ADAMTS12: variants seen among roughly 807,000 people sequenced by gnomAD.
ADAMTS12 encodes the protein A disintegrin and metalloproteinase with thrombospondin motifs 12.
In ADAMTS12, 118 loss-of-function variants were observed where a neutral mutation model predicts 167.8. The ratio of observed to expected loss-of-function variants is 0.70; its 90% CI spans 0.61 to 0.82. ADAMTS12 has a LOEUF of 0.82. Ranked by LOEUF, ADAMTS12 falls within the 40% of genes least tolerant of loss-of-function variation. ADAMTS12 has a pLI of 0.00. For synonymous variants in ADAMTS12, 704 were observed against 716.9 expected (o/e 0.98, Z 0.29); for missense variants, 1,916 against 1,998.8 (o/e 0.96, Z 0.79).
At chr5:33,759,958 T>G (rs781473539) in intron 2 of ADAMTS12, among the ~76,000 whole-genome samples, 1 of 152,156 alleles carries the variant, frequency 6.6e-6, no homozygotes, top group Non-Finnish European at 1.5e-5. Flanking sequence ...CCAGAGGTTC[T>G]CCAATTTTAA....
Position 33,560,782 on chromosome 5 carries a change from AG to A in ADAMTS12, c.4125+244del, listed in dbSNP as rs566282585. Among the ~76,000 whole-genome samples, 15 of 42,750 alleles carry A rather than the reference AG, an allele frequency of 3.5e-4. No individual in the cohort carries two copies. The South Asian group carries it at 7.3e-3, about 21-fold the overall frequency. The allele number at this position is 42,750 out of a possible 152,430, so 28.0% of individuals were successfully genotyped here. A position where few individuals can be genotyped will look rare whatever the true frequency, so the allele number is the denominator to read the frequency against. On this transcript the variant is annotated intron_variant, in intron 20 of 23. Coordinates refer to ENST00000504830, the MANE Select transcript of ADAMTS12 (RefSeq NM_030955.4). ...CCGGGGCCTGTTGTGGGGTGGGGGG[AG>A]GGGGGAGGGATAGCATTAGGAGATA...
chr5:33,777,598 T>C (rs886914312), intron 2 of ADAMTS12, among the ~76,000 whole-genome samples: 1 of 152,106 alleles, frequency 6.6e-6, no homozygotes, highest in African/African-American at 2.4e-5. Context: ...CTGAAAGCTT[T>C]TACTTTAAGA....
Position 33,885,055 on chromosome 5 carries a change from A to G in ADAMTS12, c.128-3575T>C, listed in dbSNP as rs959959512. 5.9e-5 allele frequency among the ~76,000 whole-genome samples: 9 copies of G among 152,370 alleles called. No individual in the cohort carries two copies. In the South Asian group the frequency reaches 1.2e-3, roughly 21 times the overall value. On this transcript the variant is annotated intron_variant, in intron 1 of 23. Transcript: ENST00000504830. The stretch of plus-strand genomic sequence containing the variant: ...AAGAGTTGAAAATATCTTATTTGTT[A>G]TACTTAGAAAACAACTATAATAAAA...
At position 33,630,878 on chromosome 5, in the gene ADAMTS12, C is replaced by T. The variant is rs1739893976; in HGVS notation, c.1924G>A (p.Gly642Ser). The change falls in exon 13 of 24, where the codon GGC becomes AGC. Residue 642 changes from glycine to serine, a missense_variant. By Grantham distance (56) the Gly-to-Ser change is moderately conservative. Transcript: ENST00000504830. ...PCELYCRPIDGQFSEKMLDAV... is the reference protein window; with the variant it reads ...PCELYCRPIDSQFSEKMLDAV... Reference sequence around the variant, plus strand: ...TCCAGCATTTTCTCAGAAAACTGGCCATCTATGGGTCGGCAGTAGAGCTCA... The same window carrying T: ...TCCAGCATTTTCTCAGAAAACTGGCTATCTATGGGTCGGCAGTAGAGCTCA... 5 of 1,613,466 alleles carry T rather than the reference C, an allele frequency of 3.1e-6. No homozygotes were observed. In the Admixed American group the frequency reaches 8.3e-5, roughly 27 times the overall value.
chr5:33,616,523 G>A (rs1262631867), intron 14 of ADAMTS12, among the ~76,000 whole-genome samples: 2 of 152,102 alleles, frequency 1.3e-5, no homozygotes, highest in Non-Finnish European at 2.9e-5. Flanking sequence ...GTTAAAGACA[G>A]ACTCTTAGAA....
At chr5:33,620,729 T>C (rs1340470249) in intron 14 of ADAMTS12, among the ~76,000 whole-genome samples, 1 of 152,202 alleles carries the variant, frequency 6.6e-6, no homozygotes, top group Non-Finnish European at 1.5e-5. Context: ...AAGACTAATA[T>C]CTACATATAT....
chr5:33,674,517 A>T (rs1422096139), intron 5 of ADAMTS12, among the ~76,000 whole-genome samples: 1 of 152,166 alleles, frequency 6.6e-6, no homozygotes, highest in Non-Finnish European at 1.5e-5. Context: ...CCATAATAAT[A>T]AAGGTGATGG....
chr5:33,578,521 T>C lies in ADAMTS12; in HGVS notation c.2866-1361A>G, dbSNP rs75712398. Reference sequence around the variant, plus strand: ...GGCAGGAACTGTTTTTTATTCATAATGGAATTCCAGGATAGTTCTGAGGAC... The same window carrying C: ...GGCAGGAACTGTTTTTTATTCATAACGGAATTCCAGGATAGTTCTGAGGAC... On this transcript the variant is annotated intron_variant, in intron 18 of 23. Coordinates refer to ENST00000504830, the MANE Select transcript of ADAMTS12 (RefSeq NM_030955.4). Among the ~76,000 whole-genome samples, 504 of 152,324 alleles carry C rather than the reference T, an allele frequency of 3.3e-3. 20 individuals are homozygous for C. In the East Asian group the frequency reaches 0.087, roughly 26 times the overall value.
At chr5:33,675,019 C>T (rs1040316735) in intron 5 of ADAMTS12, among the ~76,000 whole-genome samples, 3 of 152,136 alleles carry the variant, frequency 2.0e-5, no homozygotes, top group African/African-American at 7.2e-5. Context: ...TATTTTCTCT[C>T]TCTGTCTTGG....
At chr5:33,579,259 G>C (rs1477395078) in intron 18 of ADAMTS12, among the ~76,000 whole-genome samples, 1 of 152,152 alleles carries the variant, frequency 6.6e-6, no homozygotes, top group African/African-American at 2.4e-5. Context: ...TTGTAAAACT[G>C]ATCAGTTTTG....
intron 2 of ADAMTS12, among the ~76,000 whole-genome samples, chr5:33,783,559 C>A (rs1054432472): frequency 6.6e-6 from 1 of 151,690 alleles, no homozygotes; most frequent in African/African-American, 2.4e-5. Flanking sequence ...CTATCTGCCC[C>A]GCAGAAATTA....
intron 2 of ADAMTS12, among the ~76,000 whole-genome samples, chr5:33,769,302 C>T (rs10061337): frequency 0.13 from 19,076 of 152,036 alleles, 1,572 homozygotes; most frequent in East Asian, 0.4. Context: ...AGTAAGTTTG[C>T]GTTGTTTGAA....
intron 20 of ADAMTS12, among the ~76,000 whole-genome samples, chr5:33,558,021 A>C (rs1745564014): frequency 6.6e-6 from 1 of 152,050 alleles, no homozygotes; most frequent in South Asian, 2.1e-4. Context: ...GTTGCAGGAA[A>C]ACAAGCTCAG....
At chr5:33,603,623 C>A (rs1738292597) in intron 16 of ADAMTS12, 1 of 152,164 alleles carries the variant, frequency 6.6e-6, no homozygotes, top group Admixed American at 6.5e-5. Context: ...TCTGAGAGTG[C>A]CCTTTACCTC....
intron 5 of ADAMTS12, among the ~76,000 whole-genome samples, chr5:33,676,471 C>CT (rs534265692): frequency 1.6e-4 from 23 of 148,174 alleles, no homozygotes; most frequent in East Asian, 1.4e-3. Context: ...GGAAAGGATA[C>CT]TTTTTTTTTT....
chr5:33,560,971 T>TC (rs1388471574), intron 20 of ADAMTS12, 56 bp downstream of exon 20: 6 of 1,592,342 alleles, frequency 3.8e-6, no homozygotes, highest in Non-Finnish European at 4.3e-6. Context: ...AGATTCCCTT[T>TC]CCAACCCATC....
intron 14 of ADAMTS12, among the ~76,000 whole-genome samples, chr5:33,621,639 C>G (rs1739336228): frequency 6.6e-6 from 1 of 152,138 alleles, no homozygotes; most frequent in African/African-American, 2.4e-5. Flanking sequence ...CCCTGGGCAA[C>G]TTATCTACAG....
At chr5:33,645,144 T>TTTATTATTATTATTA (rs145012036) in intron 9 of ADAMTS12, among the ~76,000 whole-genome samples, 2 of 146,036 alleles carry the variant, frequency 1.4e-5, no homozygotes, top group Non-Finnish European at 3.0e-5. Flanking sequence ...AAATGCTTTA[T>TTTATTATTATTATTA]TTATTATTAT....
rs149644389 is a variant in ADAMTS12, at chr5:33,790,501, C to T, written c.490-38953G>A. ...CCAGGAGGCGGAGGTTGCAGACAGC[C>T]GAGATCGTGCCACTGCACTCCTCCA... On this transcript the variant is annotated intron_variant, in intron 2 of 23. Coordinates refer to ENST00000504830, the MANE Select transcript of ADAMTS12 (RefSeq NM_030955.4). 3.5e-3 allele frequency among the ~76,000 whole-genome samples: 526 copies of T among 149,304 alleles called. 5 individuals carry two copies. Among genetic ancestry groups the T allele is most frequent in the African/African-American group, 0.013 (509 of 40,534 alleles).
Sources: allele counts gnomAD v4.1 joint callset (sites outside exome capture counted in the v4.1 genomes callset), GRCh38; gene constraint gnomAD v4.1.1; transcripts MANE v1.5; gene names NCBI Gene and HGNC (gene_info 2026-07-23, HGNC 2026-07-21).